COMMD7: variants seen among roughly 807,000 people sequenced by gnomAD.
COMMD7 encodes COMM domain-containing protein 7.
A neutral mutation model predicts 34.8 loss-of-function variants in COMMD7; 28 were observed. The ratio of observed to expected loss-of-function variants is 0.80; its 90% CI spans 0.60 to 1.10. The LOEUF (loss-of-function observed/expected upper bound fraction) is 1.10, where lower values mean the gene tolerates loss of function less well. COMMD7 is among the 50% of genes least tolerant of loss of function. The pLI is 0.00. For missense variants in COMMD7, 211 were observed against 241.6 expected (o/e 0.87, Z 0.84); for synonymous variants, 80 against 86.4 (o/e 0.93, Z 0.41).
At chr20:32,703,736 A>G (rs915885664) in intron 8 of COMMD7, 7 of 1,459,278 alleles carry the variant, frequency 4.8e-6, no homozygotes, top group East Asian at 2.5e-5. Flanking sequence ...TGTGACTTCT[A>G]TGGCAAGAGC....
In COMMD7 at chr20:32,704,509, AAAGAGAG is replaced by A. The variant is rs1468212965; in HGVS notation, c.428-27_428-21del. ...ATGTCACTGTGACAAAAAAAAAAAA[AAAGAGAG>A]AGAGAGAGAGAAATAACAAGTGACT... On this transcript the variant is annotated intron_variant, in intron 6 of 8. Coordinates refer to ENST00000278980, the MANE Select transcript of COMMD7 (RefSeq NM_053041.3). The A allele has an allele frequency of 6.1e-6, 9 of 1,464,448 alleles. No individual in the cohort carries two copies. The South Asian group carries it at 6.3e-5, about 10-fold the overall frequency. 90.7% of individuals were successfully genotyped at this position (1,464,448 alleles called of 1,614,324 possible).
intron 1 of COMMD7, among the ~76,000 whole-genome samples, chr20:32,739,097 C>T (rs1265213062): frequency 6.6e-6 from 1 of 152,128 alleles, no homozygotes; most frequent in Non-Finnish European, 1.5e-5. Flanking sequence ...GGTGCATGCT[C>T]AATATATTAA....
intron 3 of COMMD7, among the ~76,000 whole-genome samples, chr20:32,709,424 C>T (rs960259597): frequency 5.3e-5 from 8 of 151,340 alleles, no homozygotes; most frequent in African/African-American, 1.5e-4. Context: ...ACAGGCTGGG[C>T]GCCTGTTACA....
intron 1 of COMMD7, among the ~76,000 whole-genome samples, chr20:32,732,151 C>T (rs1037378821): frequency 2.0e-5 from 3 of 152,144 alleles, no homozygotes; most frequent in Non-Finnish European, 4.4e-5. Context: ...GGCGCAATCA[C>T]GGCTCGCTGG....
intron 3 of COMMD7, among the ~76,000 whole-genome samples, chr20:32,721,918 G>A (rs982469790): frequency 2.0e-5 from 3 of 148,060 alleles, no homozygotes; most frequent in African/African-American, 5.0e-5. Flanking sequence ...AAAATTAGCC[G>A]AGTGTGGTGG....
At chr20:32,733,887 A>C (rs1192082258) in intron 1 of COMMD7, among the ~76,000 whole-genome samples, 1 of 150,264 alleles carries the variant, frequency 6.7e-6, no homozygotes, top group Non-Finnish European at 1.5e-5. Context: ...TTCTCAAAAA[A>C]AAAAAAGAAG....
intron 3 of COMMD7, among the ~76,000 whole-genome samples, chr20:32,714,773 G>A (rs1005146932): frequency 6.6e-6 from 1 of 151,744 alleles, no homozygotes; most frequent in African/African-American, 2.4e-5. Context: ...GTAGTGAGCC[G>A]AGATCGTACC....
At chr20:32,717,557 C>T (rs1276033216) in intron 3 of COMMD7, among the ~76,000 whole-genome samples, 3 of 151,512 alleles carry the variant, frequency 2.0e-5, no homozygotes, top group Non-Finnish European at 4.4e-5. Context: ...AACTCTTGAC[C>T]TCAAGCGATC....
intron 3 of COMMD7, among the ~76,000 whole-genome samples, chr20:32,718,616 T>C (rs573628474): frequency 6.6e-6 from 1 of 150,606 alleles, no homozygotes; most frequent in East Asian, 2.0e-4. Context: ...GGAGAATCGC[T>C]TGAACTCAGG....
intron 1 of COMMD7, among the ~76,000 whole-genome samples, chr20:32,735,419 G>C (rs764318298): frequency 4.4e-4 from 67 of 151,542 alleles, no homozygotes; most frequent in Admixed American, 7.9e-4. Context: ...CTGGGTACAA[G>C]TGATTATCCT....
chr20:32,738,034 T>A (rs1417827781), intron 1 of COMMD7, among the ~76,000 whole-genome samples: 1 of 152,114 alleles, frequency 6.6e-6, no homozygotes, highest in Admixed American at 6.6e-5. Context: ...CACTGATACA[T>A]TAACAAGTAA....
In COMMD7 at chr20:32,729,882, G is replaced by A. The variant is rs896684058; in HGVS notation, c.85-1740C>T. Among the ~76,000 whole-genome samples, 51 of 152,002 alleles carry A rather than the reference G, an allele frequency of 3.4e-4. 1 individual carries two copies. Among genetic ancestry groups the A allele is most frequent in the African/African-American group, 1.1e-3 (47 of 41,488 alleles). ...AAAAAAATTAGCCAGGCGTGGTGGC[G>A]TGTACTTGTAATCCCAGCTACTTGG... is the stretch of plus-strand genomic sequence containing the variant. On this transcript the variant is annotated intron_variant, in intron 1 of 8. Transcript: ENST00000278980.
At position 32,704,795 on chromosome 20, in the gene COMMD7, A is replaced by G. The variant is rs758001555; in HGVS notation, c.427+19T>C. ...CCCTGTACCACCCAAATAACCCAGG[A>G]CTGGTTGTAACTAGTTACCTCCAAA... On this transcript the variant is annotated intron_variant, in intron 6 of 8. Coordinates refer to ENST00000278980, the MANE Select transcript of COMMD7 (RefSeq NM_053041.3). 6.3e-7 allele frequency: 1 copy of G among 1,575,898 alleles called. No individual in the cohort carries two copies. The highest frequency in any genetic ancestry group is 8.7e-7 in the Non-Finnish European group (1 of 1,145,174).
chr20:32,743,311 C>A lies in COMMD7; in HGVS notation c.81G>T (p.Ala27=). Residue 27 remains alanine (A), a synonymous_variant, in exon 1 of 9, where the codon GCG becomes GCT. Coordinates refer to ENST00000278980, the MANE Select transcript of COMMD7 (RefSeq NM_053041.3). ...GDMQQLNQLG[A]QQFSALTEVL... The stretch of plus-strand genomic sequence containing the variant: ...CACGCCCCGCCGCCGGGCCCACCTG[C>A]GCGCCCAGCTGGTTCAGCTGCTGCA... 1 of 1,516,578 alleles carries A rather than the reference C, an allele frequency of 6.6e-7. No individual in the cohort carries two copies. The highest frequency in any genetic ancestry group is 8.8e-7 in the Non-Finnish European group (1 of 1,138,618). 93.9% of individuals were successfully genotyped at this position (1,516,578 alleles called of 1,614,324 possible).
chr20:32,732,091 G>C (rs1985870576), intron 1 of COMMD7, among the ~76,000 whole-genome samples: 1 of 152,080 alleles, frequency 6.6e-6, no homozygotes, highest in Non-Finnish European at 1.5e-5. Flanking sequence ...CATCTAACTT[G>C]TATTTTTTTG....
At chr20:32,709,612 G>T (rs976132629) in intron 3 of COMMD7, among the ~76,000 whole-genome samples, 2 of 152,088 alleles carry the variant, frequency 1.3e-5, no homozygotes, top group African/African-American at 4.8e-5. Context: ...TATTTTTTCT[G>T]CTCAAAACCC....
Position 32,704,760 on chromosome 20 carries a change from T to C in COMMD7, c.427+54A>G, listed in dbSNP as rs560507800. ...CCCATAGTGGCTGTGTCACAGCCTC[T>C]GCACCCCAACCCTGTACCACCCAAA... is the stretch of plus-strand genomic sequence containing the variant. On this transcript the variant is annotated intron_variant, in intron 6 of 8. Coordinates refer to ENST00000278980, the MANE Select transcript of COMMD7 (RefSeq NM_053041.3). 145 of 1,348,006 alleles carry C rather than the reference T, an allele frequency of 1.1e-4. No homozygotes were observed. In the East Asian group the frequency reaches 2.9e-3, roughly 27 times the overall value. The allele number at this position is 1,348,006 out of a possible 1,614,324, so 83.5% of individuals were successfully genotyped here.
At chr20:32,738,612 G>T (rs956760141) in intron 1 of COMMD7, among the ~76,000 whole-genome samples, 26 of 152,240 alleles carry the variant, frequency 1.7e-4, no homozygotes, top group African/African-American at 6.3e-4. Context: ...CCTAGAGATG[G>T]GGTCTTGCTA....
rs747170475 is a variant in COMMD7 at position 32,703,190 on chromosome 20, G to A, written c.*192C>T. 8.1e-6 allele frequency: 4 copies of A among 492,982 alleles called. No individual in the cohort carries two copies. The highest frequency in any genetic ancestry group is 1.4e-5 in the Non-Finnish European group (4 of 278,630). The allele number at this position is 492,982 out of a possible 1,614,324, so 30.5% of individuals were successfully genotyped here. A position where few individuals can be genotyped will look rare whatever the true frequency, so the allele number is the denominator to read the frequency against. On this transcript the variant is annotated 3_prime_UTR_variant, in exon 9 of 9. Coordinates refer to ENST00000278980, the MANE Select transcript of COMMD7 (RefSeq NM_053041.3). ...TGGTTGCCCTAACAGAGAGTTTACA[G>A]GGTAATTGTGTTGGGCTCTTTCAGT...
Sources: allele counts gnomAD v4.1 joint callset (sites outside exome capture counted in the v4.1 genomes callset), GRCh38; gene constraint gnomAD v4.1.1; transcripts MANE v1.5; gene names NCBI Gene and HGNC (gene_info 2026-07-23, HGNC 2026-07-21).